Variants in WDR27 observed in about 807,000 individuals in gnomAD.
The protein encoded by WDR27 is WD repeat domain 27.
A neutral mutation model predicts 114.4 loss-of-function variants in WDR27; 100 were observed. The ratio of observed to expected loss-of-function variants is 0.87; its 90% CI spans 0.74 to 1.03. The LOEUF is 1.03. Among genes scored for constraint, WDR27 ranks in the 50% least tolerant of loss-of-function variants. The pLI is 0.00. For missense variants in WDR27, 1,129 were observed against 1,092.9 expected (o/e 1.03, Z -0.47); for synonymous variants, 449 against 423.1 (o/e 1.06, Z -0.75).
At chr6:169,525,509 C>T (rs1416831255) in intron 25 of WDR27, among the ~76,000 whole-genome samples, 2 of 138,272 alleles carry the variant, frequency 1.4e-5, no homozygotes, top group Non-Finnish European at 3.0e-5. Context: ...GTACTCCAGC[C>T]TGGGTGACAG....
chr6:169,515,697 T>C (rs1014047239), intron 25 of WDR27, among the ~76,000 whole-genome samples: 2 of 151,612 alleles, frequency 1.3e-5, no homozygotes, highest in Non-Finnish European at 2.9e-5. Context: ...ATAGACTTTA[T>C]GGATAACTTC....
intron 1 of WDR27, among the ~76,000 whole-genome samples, chr6:169,694,342 C>T (rs1039661519): frequency 9.2e-5 from 14 of 152,080 alleles, no homozygotes; most frequent in Admixed American, 5.9e-4. Context: ...AAGTCATCAA[C>T]GCACGCACAC....
chr6:169,428,995 C>G, the WDR27 span, among the ~76,000 whole-genome samples: 22 of 152,296 alleles, frequency 1.4e-4, no homozygotes, highest in African/African-American at 4.8e-4. Flanking sequence ...ACAGGCGTCC[C>G]AGACAAAACT....
chr6:169,573,271 T>C (rs1346329490), intron 24 of WDR27, among the ~76,000 whole-genome samples: 2 of 152,224 alleles, frequency 1.3e-5, no homozygotes, highest in African/African-American at 4.8e-5. Context: ...GCAAGTCTTA[T>C]GATAAATCCT....
rs539602253 is a variant in WDR27, at chr6:169,659,739, G to A, written c.1130-221C>T. On this transcript the variant is annotated intron_variant, in intron 10 of 25. Coordinates refer to ENST00000448612, the MANE Select transcript of WDR27 (RefSeq NM_182552.5). This position sits in a 1 kb window ranked among gnomAD's most constrained non-coding sequence, Gnocchi z 4.3. ...ACCACACACACACCAGGCCCTGAGC[G>A]TCACACATGCCAGGCTCCGCTCTGA... Among the ~76,000 whole-genome samples the A allele has an allele frequency of 2.6e-5, 4 of 152,156 alleles. No individual in the cohort carries two copies. The highest frequency in any genetic ancestry group is 6.5e-5 in the Admixed American group (1 of 15,282).
intron 22 of WDR27, among the ~76,000 whole-genome samples, chr6:169,603,356 A>T (rs1808435723): frequency 1.3e-5 from 2 of 152,130 alleles, no homozygotes; most frequent in African/African-American, 4.8e-5. Flanking sequence ...TTTGTCATAA[A>T]TTTAATTCCT....
intron 25 of WDR27, among the ~76,000 whole-genome samples, chr6:169,569,513 A>C (rs1046482875): frequency 6.6e-6 from 1 of 152,212 alleles, no homozygotes; most frequent in East Asian, 1.9e-4. Flanking sequence ...AAAATGTAAG[A>C]TGGTCCTGAG....
At chr6:169,635,572 C>T (rs1358850456) in intron 19 of WDR27, among the ~76,000 whole-genome samples, 6 of 152,160 alleles carry the variant, frequency 3.9e-5, no homozygotes, top group African/African-American at 9.7e-5. Context: ...TCATTGAGAT[C>T]GGGGTGAGAT....
At chr6:169,652,057 C>G in intron 13 of WDR27, 49 bp from the exon 14 acceptor site, 3 of 1,535,130 alleles carry the variant, frequency 2.0e-6, no homozygotes, top group Non-Finnish European at 2.7e-6. Flanking sequence ...AAATTAGCAT[C>G]TCATGATGGA....
chr6:169,666,207 A>C (rs137856865), intron 6 of WDR27, among the ~76,000 whole-genome samples: 71 of 152,344 alleles, frequency 4.7e-4, no homozygotes. Context: ...CCATATAATT[A>C]ATTTCAGAAA....
At chr6:169,624,166 G>T (rs1025836018) in intron 21 of WDR27, among the ~76,000 whole-genome samples, 3 of 151,762 alleles carry the variant, frequency 2.0e-5, no homozygotes, top group African/African-American at 7.3e-5. Flanking sequence ...CAGGTGTGTG[G>T]CGTCAGGTGT....
intron 1 of WDR27, among the ~76,000 whole-genome samples, chr6:169,689,969 T>C (rs549254302): frequency 2.0e-5 from 3 of 151,084 alleles, no homozygotes; most frequent in South Asian, 4.2e-4. Context: ...ATGCTGGTCA[T>C]GTGGATTCAC....
intron 25 of WDR27, among the ~76,000 whole-genome samples, chr6:169,531,663 T>G (rs1161945282): frequency 1.3e-5 from 2 of 151,954 alleles, no homozygotes; most frequent in Non-Finnish European, 2.9e-5. Flanking sequence ...TTGTTTTTTT[T>G]TTTTTTTTGA....
chr6:169,647,840 G>T lies in WDR27; in HGVS notation c.1590C>A (p.Pro530=), dbSNP rs777280687. The T allele has an allele frequency of 1.3e-6, 2 of 1,579,068 alleles. No individual in the cohort carries two copies. Among genetic ancestry groups the T allele is most frequent in the Admixed American group, 3.6e-5 (2 of 54,800 alleles). The part of the protein sequence containing the change: ...REAYPVECAV[P]TKPGPQVAAA... ...CAGCGACCTGGGGGCCGGGCTTGGT[G>T]GGCACAGCGCACTCCACGGGGTATG... Residue 530 remains proline, a synonymous_variant, in exon 16 of 26, where the codon CCC becomes CCA. Coordinates refer to ENST00000448612, the MANE Select transcript of WDR27 (RefSeq NM_182552.5).
At chr6:169,656,706 A>ACAGCTCC (rs1238127121) in intron 13 of WDR27, among the ~76,000 whole-genome samples, 1 of 152,066 alleles carries the variant, frequency 6.6e-6, no homozygotes, top group African/African-American at 2.4e-5. Context: ...CCCAGCTCCG[A>ACAGCTCC]CAGCTCCCAG....
At chr6:169,462,526 C>T (rs146727519) in intron 25 of WDR27, among the ~76,000 whole-genome samples, 20 of 148,326 alleles carry the variant, frequency 1.3e-4, no homozygotes, top group Admixed American at 4.0e-4. Context: ...AGATCCTAGA[C>T]TCGATGGCTT....
chr6:169,542,157 G>A (rs757764982), intron 25 of WDR27, among the ~76,000 whole-genome samples: 59 of 152,026 alleles, frequency 3.9e-4, no homozygotes, highest in Non-Finnish European at 6.8e-4. Flanking sequence ...TTTTATCAAC[G>A]AATCATCAGA....
rs181128972 is a variant in WDR27 at position 169,645,666 on chromosome 6, T to C, written c.1658-1880A>G. On this transcript the variant is annotated intron_variant, in intron 16 of 25. Transcript: ENST00000448612. ...TGTAGAAAAGCCTAGTTCATATGAG[T>C]CACACTGTAGAAAATCCTAGTTCAC... Among the ~76,000 whole-genome samples, 15 of 145,500 alleles carry C rather than the reference T, an allele frequency of 1.0e-4. No individual in the cohort carries two copies. In the East Asian group the frequency reaches 3.1e-3, roughly 30 times the overall value.
chr6:169,430,654 C>T, the WDR27 span, among the ~76,000 whole-genome samples: 5 of 152,208 alleles, frequency 3.3e-5, no homozygotes, highest in South Asian at 2.1e-4. Context: ...CACTTTCAAA[C>T]GAGGCTCCAC....
Sources: gnomAD v4.1 joint callset for allele counts (sites outside exome capture counted in the v4.1 genomes callset) on GRCh38, gnomAD v4.1.1 for gene constraint, Gnocchi (gnomAD v3.1) non-coding constraint, MANE v1.5 for transcripts, NCBI Gene and HGNC (gene_info 2026-07-23, HGNC 2026-07-21) for gene names.